Variants in ATP9A observed in about 807,000 individuals in gnomAD.
The protein encoded by ATP9A is ATPase phospholipid transporting 9A.
ATP9A carries 52 observed loss-of-function variants against 144.1 expected under a neutral mutation model. The observed-to-expected ratio is 0.36, with a 90% CI of 0.29 to 0.45. ATP9A has a LOEUF of 0.45. Among genes scored for constraint, ATP9A ranks in the 20% least tolerant of loss-of-function variants. The pLI is 1.00. For synonymous variants in ATP9A, 582 were observed against 557.4 expected (o/e 1.04, Z -0.62); for missense variants, 947 against 1,392.7 (o/e 0.68, Z 5.09).
In ATP9A at chr20:51,645,437, G is replaced by A. The variant is rs543149252; in HGVS notation, c.1507-5933C>T. Among the ~76,000 whole-genome samples the A allele has an allele frequency of 1.1e-4, 16 of 152,224 alleles. 1 individual carries two copies. The highest frequency in any genetic ancestry group is 3.9e-4 in the African/African-American group (16 of 41,532). ...CGGGAGGCTGAGGCAGGAGAATGGC[G>A]TGAACCCGGGAGGTGGAGTTTGCAG... On this transcript the variant is annotated intron_variant, in intron 14 of 27. Transcript: ENST00000338821.
chr20:51,604,377 C>T (rs1183331271), intron 27 of ATP9A, among the ~76,000 whole-genome samples: 1 of 152,172 alleles, frequency 6.6e-6, no homozygotes, highest in African/African-American at 2.4e-5. Flanking sequence ...CCCTCAGGAG[C>T]TCTATCAGGA....
At chr20:51,745,088 ACATGGTGAAACCCT>A (rs1206067763) in intron 1 of ATP9A, among the ~76,000 whole-genome samples, 1 of 152,106 alleles carries the variant, frequency 6.6e-6, no homozygotes, top group Non-Finnish European at 1.5e-5. Context: ...ATTCTGGCCA[ACATGGTGAAACCCT>A]GCCGTCTCTA....
At chr20:51,707,454 C>T (rs1427557076) in intron 4 of ATP9A, among the ~76,000 whole-genome samples, 3 of 152,154 alleles carry the variant, frequency 2.0e-5, no homozygotes, top group Non-Finnish European at 4.4e-5. Flanking sequence ...CTCCACCATG[C>T]CAAGTCCCAA....
intron 11 of ATP9A, 61 bp downstream of exon 11, chr20:51,674,092 T>G: frequency 6.5e-7 from 1 of 1,528,610 alleles, no homozygotes; most frequent in South Asian, 1.2e-5. Context: ...ACCATCATCT[T>G]TGAATGAGTA....
intron 3 of ATP9A, among the ~76,000 whole-genome samples, chr20:51,719,040 A>C (rs1251088179): frequency 1.3e-5 from 2 of 151,220 alleles, no homozygotes; most frequent in Admixed American, 1.3e-4. Context: ...CGGCAGGAGA[A>C]TCGCTTGAAC....
chr20:51,754,678 T>C (rs758883695), intron 1 of ATP9A, among the ~76,000 whole-genome samples: 1 of 150,880 alleles, frequency 6.6e-6, no homozygotes, highest in Non-Finnish European at 1.5e-5. Context: ...TCACTGGGCA[T>C]GGTGGTGCAT....
At chr20:51,656,893 A>G (rs746764303) in intron 14 of ATP9A, 45 bp downstream of exon 14, 1 of 1,561,706 alleles carries the variant, frequency 6.4e-7, no homozygotes, top group African/African-American at 1.4e-5. Context: ...CACAGAGAAA[A>G]CAAGCAGGGC....
intron 11 of ATP9A, among the ~76,000 whole-genome samples, chr20:51,673,115 T>C (rs1386548062): frequency 6.6e-6 from 1 of 152,166 alleles, no homozygotes; most frequent in Non-Finnish European, 1.5e-5. Context: ...AGCTCACGCC[T>C]GTAACCCCAG....
At chr20:51,613,918 T>C (rs2077193571) in intron 22 of ATP9A, 86 bp from the exon 23 acceptor site, 3 of 1,377,748 alleles carry the variant, frequency 2.2e-6, no homozygotes, top group South Asian at 2.9e-5. Context: ...CAAGACATTG[T>C]AGGAAATCTT....
chr20:51,619,371 C>CT (rs2077216858), intron 19 of ATP9A, among the ~76,000 whole-genome samples: 1 of 152,070 alleles, frequency 6.6e-6, no homozygotes, highest in African/African-American at 2.4e-5. Flanking sequence ...TGAGACCAGC[C>CT]TTGCCAACAT....
intron 14 of ATP9A, 32 bp downstream of exon 14, chr20:51,656,905 TC>T (rs1002477602): frequency 1.9e-6 from 3 of 1,592,542 alleles, no homozygotes; most frequent in African/African-American, 2.7e-5. Context: ...AAGCAGGGCC[TC>T]CCCATGCCTT....
intron 27 of ATP9A, among the ~76,000 whole-genome samples, chr20:51,603,559 A>G (rs1330257913): frequency 1.3e-5 from 2 of 152,148 alleles, no homozygotes; most frequent in African/African-American, 4.8e-5. Flanking sequence ...TTGTGGCTCA[A>G]TCAATTGGGA....
intron 22 of ATP9A, among the ~76,000 whole-genome samples, 191 bp from the exon 23 acceptor site, chr20:51,614,023 TA>T (rs1461494206): frequency 1.3e-5 from 2 of 152,214 alleles, no homozygotes; most frequent in Non-Finnish European, 2.9e-5. Flanking sequence ...TTTATTTAAA[TA>T]AAAACCATTC....
In ATP9A at chr20:51,729,825, T is replaced by C. The variant is rs767765690; in HGVS notation, c.213+9A>G. 1.3e-6 allele frequency: 2 copies of C among 1,571,796 alleles called. No individual in the cohort carries two copies. Among genetic ancestry groups the C allele is most frequent in the East Asian group, 4.5e-5 (2 of 43,984 alleles). On this transcript the variant is annotated intron_variant, in intron 2 of 27. Coordinates refer to ENST00000338821, the MANE Select transcript of ATP9A (RefSeq NM_006045.3). ...AAAAGAAAAGAGCACGGTCCCTGCC[T>C]GCACGTACCCCAGGAAGAAAGGTGA...
chr20:51,723,184 T>A (rs2077697025), intron 3 of ATP9A, among the ~76,000 whole-genome samples: 1 of 152,082 alleles, frequency 6.6e-6, no homozygotes, highest in African/African-American at 2.4e-5. Context: ...TTCACTAATA[T>A]GTGGGAGCTA....
chr20:51,682,011 G>T (rs1010851340), intron 9 of ATP9A, among the ~76,000 whole-genome samples: 2 of 152,020 alleles, frequency 1.3e-5, no homozygotes, highest in Non-Finnish European at 2.9e-5. Context: ...GAGCTTCTTC[G>T]GGGGTGGACG....
At chr20:51,751,270 T>G (rs185600534) in intron 1 of ATP9A, among the ~76,000 whole-genome samples, 106 of 149,064 alleles carry the variant, frequency 7.1e-4, no homozygotes, top group East Asian at 7.9e-4. Flanking sequence ...TGTTTTTTTT[T>G]TTTTTTTTTG....
intron 1 of ATP9A, among the ~76,000 whole-genome samples, chr20:51,749,013 G>C (rs560625844): frequency 2.0e-4 from 30 of 152,000 alleles, no homozygotes; most frequent in Non-Finnish European, 4.1e-4. Context: ...ATCAGTGGTA[G>C]ACTGGCTAAA....
At chr20:51,606,568 A>G (rs1246215081) in intron 26 of ATP9A, among the ~76,000 whole-genome samples, 1 of 152,178 alleles carries the variant, frequency 6.6e-6, no homozygotes, top group Non-Finnish European at 1.5e-5. Context: ...GTGGTGGTGT[A>G]CACCTGTAGT....
Sources: gnomAD v4.1 joint callset for allele counts (sites outside exome capture counted in the v4.1 genomes callset) on GRCh38, gnomAD v4.1.1 for gene constraint, MANE v1.5 for transcripts, NCBI Gene and HGNC (gene_info 2026-07-23, HGNC 2026-07-21) for gene names.